DAXX: variants seen among roughly 807,000 people sequenced by gnomAD.
The protein encoded by DAXX is death domain associated protein.
A neutral mutation model predicts 61.9 loss-of-function variants in DAXX; 24 were observed. The ratio of observed to expected loss-of-function variants is 0.39; its 90% CI spans 0.28 to 0.55. The LOEUF (loss-of-function observed/expected upper bound fraction) is 0.55. Ranked by LOEUF, DAXX falls within the 20% of genes least tolerant of loss-of-function variation. The pLI is 0.69. For missense variants in DAXX, 819 were observed against 935.3 expected, an observed-to-expected ratio of 0.88 and a Z score of 1.62; for synonymous variants, 357 against 369.5, an observed-to-expected ratio of 0.97 and a Z score of 0.39.
chr6:33,321,623 G>A lies in DAXX; in HGVS notation c.208-56C>T. The A allele has an allele frequency of 6.3e-7, 1 of 1,596,842 alleles. No homozygotes were observed. The highest frequency in any genetic ancestry group is 8.6e-7 in the Non-Finnish European group (1 of 1,168,236). On this transcript the variant is annotated intron_variant, in intron 2 of 7. Transcript: ENST00000374542. This position sits in a 1 kb window ranked among gnomAD's most constrained non-coding sequence, Gnocchi z 7.2. The stretch of plus-strand genomic sequence containing the variant: ...AGAGAGACAAGGGAGGGGGTTGAGA[G>A]AAAGGGGAGGTGGGGTTAGTGGGAA...
At position 33,319,998 on chromosome 6, in the gene DAXX, T is replaced by C. The variant is rs780522375; in HGVS notation, c.1465+13A>G. 6.2e-7 allele frequency: 1 copy of C among 1,614,024 alleles called. No individual in the cohort carries two copies. Among genetic ancestry groups the C allele is most frequent in the Non-Finnish European group, 8.5e-7 (1 of 1,179,958 alleles). On this transcript the variant is annotated intron_variant, in intron 5 of 7. Coordinates refer to ENST00000374542, the MANE Select transcript of DAXX (RefSeq NM_001141969.2). ...CAGAAATGACAGGTGAGGAGAATGT[T>C]CCCTTGACATACCTGCTGCTGCTTC...
rs61737694 is a variant in DAXX, at chr6:33,320,508, C to T, written c.1123G>A (p.Val375Ile). The change falls in exon 4 of 8, where the codon GTC (valine) becomes ATC (isoleucine). Residue 375 changes from valine to isoleucine, a missense_variant. Coordinates refer to ENST00000374542, the MANE Select transcript of DAXX (RefSeq NM_001141969.2). This position sits in a 1 kb window ranked among gnomAD's most constrained non-coding sequence, Gnocchi z 7.1. ...TGCAACATTGCATATTTGGAGATGA[C>T]CTCATCCAGCCGACTCATGGCCAAA... is the stretch of plus-strand genomic sequence containing the variant. The part of the protein sequence containing the change: ...RSLAMSRLDE[V>I]ISKYAMLQDK... 8.5e-4 allele frequency: 1,376 copies of T among 1,613,812 alleles called. 11 individuals are homozygous for T. The African/African-American group carries it at 0.016, about 18-fold the overall frequency.
chr6:33,318,928 G>C, intron 7 of DAXX, 69 bp downstream of exon 7: 1 of 1,430,708 alleles, frequency 7.0e-7, no homozygotes, highest in Non-Finnish European at 9.8e-7. Flanking sequence ...GGAATATTCA[G>C]ACAGAGCAGC....
rs2150999516 is a variant in DAXX at position 33,321,774 on chromosome 6, C to T, written c.152G>A (p.Ser51Asn). The part of the protein sequence containing the change: ...SSEPHGARGS[S>N]SSGGKKCYKL... ...GTAGCATTTCTTGCCGCCCGAACTA[C>T]TGCTTCCTCTGGCCCCATGAGGCTC... The change falls in exon 2 of 8, where the codon AGT (serine) becomes AAT (asparagine). Residue 51 changes from serine (S) to asparagine (N), a missense_variant. Transcript: ENST00000374542. This position sits in a 1 kb window ranked among gnomAD's most constrained non-coding sequence, Gnocchi z 7.2. 6.2e-7 allele frequency: 1 copy of T among 1,613,360 alleles called. No individual in the cohort carries two copies. The highest frequency in any genetic ancestry group is 1.1e-5 in the South Asian group (1 of 91,076).
rs1770635990 is a variant in DAXX at position 33,321,668 on chromosome 6, G to C, written c.207+51C>G. The C allele has an allele frequency of 6.2e-7, 1 of 1,601,870 alleles. No individual in the cohort carries two copies. The highest frequency in any genetic ancestry group is 1.7e-5 in the Admixed American group (1 of 59,806). On this transcript the variant is annotated intron_variant, in intron 2 of 7. Coordinates refer to ENST00000374542, the MANE Select transcript of DAXX (RefSeq NM_001141969.2). The surrounding 1 kb of genome is among the most constrained non-coding windows in gnomAD (Gnocchi z 7.2). The stretch of plus-strand genomic sequence containing the variant: ...TGGGAAAGAAAGGACAGGAGAACCA[G>C]TCAGCCATCCCCCTCCCTGGGGTAC...
chr6:33,320,613 C>A lies in DAXX; in HGVS notation c.1040-22G>T, dbSNP rs368843952. On this transcript the variant is annotated intron_variant, in intron 3 of 7. Transcript: ENST00000374542. This position sits in a 1 kb window ranked among gnomAD's most constrained non-coding sequence, Gnocchi z 7.1. ...ACGCCTACGTGGGAAGACATAAAGT[C>A]AGAGCACTCAGCCCTTGAAGGGACT... is the stretch of plus-strand genomic sequence containing the variant. 4 of 1,610,904 alleles carry A rather than the reference C, an allele frequency of 2.5e-6. No individual in the cohort carries two copies. The highest frequency in any genetic ancestry group is 3.4e-6 in the Non-Finnish European group (4 of 1,178,358).
rs1238796624 is a variant in DAXX, at chr6:33,318,779, A to G, written c.2187T>C (p.Asp729=). ...CTGAGAGCACGATGATCTCTTCTGG[A>G]TCGCATTGTGTGGCCACACTTGTCT... The part of the protein sequence containing the change: ...TCKTSVATQC[D]PEEIIVLSDS... Residue 729 remains aspartate, a synonymous_variant, in exon 8 of 8, where the codon GAT becomes GAC. Coordinates refer to ENST00000374542, the MANE Select transcript of DAXX (RefSeq NM_001141969.2). 4.5e-6 allele frequency: 7 copies of G among 1,564,020 alleles called. No homozygotes were observed. The highest frequency in any genetic ancestry group is 6.1e-6 in the Non-Finnish European group (7 of 1,146,184).
chr6:33,320,923 A>G lies in DAXX; in HGVS notation c.852T>C (p.Pro284=). 3 of 1,614,148 alleles carry G rather than the reference A, an allele frequency of 1.9e-6. No individual in the cohort carries two copies. The highest frequency in any genetic ancestry group is 2.5e-6 in the Non-Finnish European group (3 of 1,180,010). The part of the protein sequence containing the change: ...LINKPGPDTF[P]DYGDVLRAVE... Reference sequence around the variant, plus strand: ...CAGCCCGAAGCACATCCCCATAGTCAGGGAAGGTATCAGGCCCTGGCTTGT... The same window carrying G: ...CAGCCCGAAGCACATCCCCATAGTCGGGGAAGGTATCAGGCCCTGGCTTGT... The change falls in exon 3 of 8, where the codon CCT becomes CCC. Residue 284 remains proline, a synonymous_variant. Coordinates refer to ENST00000374542, the MANE Select transcript of DAXX (RefSeq NM_001141969.2). This position sits in a 1 kb window ranked among gnomAD's most constrained non-coding sequence, Gnocchi z 7.1.
chr6:33,321,892 C>G lies in DAXX; in HGVS notation c.34G>C (p.Asp12His). Reference sequence around the variant, plus strand: ...GCAGCTGCTTCATCTTCGTCATCATCATCCAGCACGATGATGCTGTTAGCG... The same window carrying G: ...GCAGCTGCTTCATCTTCGTCATCATGATCCAGCACGATGATGCTGTTAGCG... ...ATANSIIVLDDDDEDEAAAQP... is the reference protein window; with the variant it reads ...ATANSIIVLDHDDEDEAAAQP... The change falls in exon 2 of 8, where the codon GAT (aspartate) becomes CAT (histidine). Residue 12 changes from aspartate to histidine, a missense_variant. Coordinates refer to ENST00000374542, the MANE Select transcript of DAXX (RefSeq NM_001141969.2). This position sits in a 1 kb window ranked among gnomAD's most constrained non-coding sequence, Gnocchi z 7.2. 2 of 1,611,184 alleles carry G rather than the reference C, an allele frequency of 1.2e-6. No individual in the cohort carries two copies. The highest frequency in any genetic ancestry group is 1.7e-6 in the Non-Finnish European group (2 of 1,178,392).
At chr6:33,319,274 G>T (rs1314649082) in intron 6 of DAXX, 55 bp from the exon 7 acceptor site, 1 of 1,563,248 alleles carries the variant, frequency 6.4e-7, no homozygotes, top group East Asian at 2.3e-5. Context: ...AGGCTGGAGG[G>T]GGGCAGTCCA....
Position 33,321,290 on chromosome 6 carries a change from G to A in DAXX, c.485C>T (p.Thr162Ile), listed in dbSNP as rs553915233. Reference protein sequence around the residue: ...SNEPSGNNPPTHLSLDPTNAE... With the variant: ...SNEPSGNNPPIHLSLDPTNAE... ...ATTTGTGGGGTCCAAGGAGAGGTGT[G>A]TGGGAGGGTTATTCCCAGAGGGCTC... is the stretch of plus-strand genomic sequence containing the variant. Residue 162 changes from threonine (T) to isoleucine (I), a missense_variant, in exon 3 of 8, where the codon ACA becomes ATA. By Grantham distance (89) the Thr-to-Ile change is moderately conservative. Coordinates refer to ENST00000374542, the MANE Select transcript of DAXX (RefSeq NM_001141969.2). This position sits in a 1 kb window ranked among gnomAD's most constrained non-coding sequence, Gnocchi z 7.2. The A allele has an allele frequency of 2.6e-5, 42 of 1,612,848 alleles. No homozygotes were observed. The Admixed American group carries it at 3.3e-4, about 13-fold the overall frequency.
At position 33,320,730 on chromosome 6, in the gene DAXX, C is replaced by A. The variant is rs1398597019; in HGVS notation, c.1039+6G>T. ...GTCACTGAGAGGCATCCCACCAACCCCCTACCTGGCCTATAGTCATCTGTG... is the reference window on the plus strand; with the variant it reads ...GTCACTGAGAGGCATCCCACCAACCACCTACCTGGCCTATAGTCATCTGTG... On this transcript the variant is annotated splice_donor_region_variant and intron_variant, in intron 3 of 7. Coordinates refer to ENST00000374542, the MANE Select transcript of DAXX (RefSeq NM_001141969.2). The surrounding 1 kb of genome is among the most constrained non-coding windows in gnomAD (Gnocchi z 7.1). 4 of 1,612,570 alleles carry A rather than the reference C, an allele frequency of 2.5e-6. No individual in the cohort carries two copies. In the African/African-American group the frequency reaches 5.3e-5, roughly 22 times the overall value.
rs1044471240 is a variant in DAXX at position 33,320,340 on chromosome 6, G to A, written c.1251+40C>T. ...GGACTCCCTGGTGGCCAGTGCAGGG[G>A]AAGGACAATGTCTCTCTGAAGGCTG... On this transcript the variant is annotated intron_variant, in intron 4 of 7. Coordinates refer to ENST00000374542, the MANE Select transcript of DAXX (RefSeq NM_001141969.2). This position sits in a 1 kb window ranked among gnomAD's most constrained non-coding sequence, Gnocchi z 7.1. 5.3e-6 allele frequency: 8 copies of A among 1,496,320 alleles called. No homozygotes were observed. In the Admixed American group the frequency reaches 1.0e-4, roughly 19 times the overall value. 92.7% of individuals were successfully genotyped at this position (1,496,320 alleles called of 1,614,324 possible). A position where few individuals can be genotyped will look rare whatever the true frequency, so the allele number is the denominator to read the frequency against.
rs775787032 is a variant in DAXX, at chr6:33,319,053, G to A, written c.2107C>T (p.Pro703Ser). ...TGGGGGGTTTGGGACAGCCGGGCTG[G>A]AGAAGGGATGCAGAGGGAGCTGGTC... ...LVTSSLCIPS[P>S]ARLSQTPHSQ... is the part of the protein sequence containing the mutation. Residue 703 changes from proline to serine, a missense_variant, in exon 7 of 8, where the codon CCA becomes TCA. Pro to Ser is a moderately conservative substitution (Grantham distance 74, BLOSUM62 -1). Coordinates refer to ENST00000374542, the MANE Select transcript of DAXX (RefSeq NM_001141969.2). 3 of 1,614,018 alleles carry A rather than the reference G, an allele frequency of 1.9e-6. No homozygotes were observed. In the East Asian group the frequency reaches 6.7e-5, roughly 36 times the overall value.
At position 33,321,792 on chromosome 6, in the gene DAXX, T is replaced by C. The variant is rs774748603; in HGVS notation, c.134A>G (p.His45Arg). 1 of 1,611,466 alleles carries C rather than the reference T, an allele frequency of 6.2e-7. No individual in the cohort carries two copies. ...GAEAPSSSEPHGARGSSSSGG... is the reference protein window; with the variant it reads ...GAEAPSSSEPRGARGSSSSGG... Reference sequence around the variant, plus strand: ...CGAACTACTGCTTCCTCTGGCCCCATGAGGCTCAGAGGAGCTAGGGGCTTC... The same window carrying C: ...CGAACTACTGCTTCCTCTGGCCCCACGAGGCTCAGAGGAGCTAGGGGCTTC... Residue 45 changes from histidine to arginine, a missense_variant, in exon 2 of 8, where the codon CAT (histidine) becomes CGT (arginine). Coordinates refer to ENST00000374542, the MANE Select transcript of DAXX (RefSeq NM_001141969.2). This position sits in a 1 kb window ranked among gnomAD's most constrained non-coding sequence, Gnocchi z 7.2.
chr6:33,318,966 T>G lies in DAXX; in HGVS notation c.2163+31A>C, dbSNP rs774440530. 5 of 1,574,894 alleles carry G rather than the reference T, an allele frequency of 3.2e-6. No individual in the cohort carries two copies. In the Admixed American group the frequency reaches 8.4e-5, roughly 26 times the overall value. On this transcript the variant is annotated intron_variant, in intron 7 of 7. Coordinates refer to ENST00000374542, the MANE Select transcript of DAXX (RefSeq NM_001141969.2). ...AAACAGCCAATGAAAGAGAACAAAT[T>G]GTCAGAGGAAACACGCCCTCCCCTT...
rs748790861 is a variant in DAXX, at chr6:33,319,735, A to G, written c.1585T>C (p.Ser529Pro). 3.7e-6 allele frequency: 6 copies of G among 1,614,176 alleles called. No individual in the cohort carries two copies. The highest frequency in any genetic ancestry group is 5.1e-6 in the Non-Finnish European group (6 of 1,180,024). The change falls in exon 6 of 8, where the codon TCA becomes CCA. Residue 529 changes from serine to proline, a missense_variant. Coordinates refer to ENST00000374542, the MANE Select transcript of DAXX (RefSeq NM_001141969.2). Reference sequence around the variant, plus strand: ...GGTTCTTCTGACAGTAACGATGGTGACACTATGCGTCCTTTGTTTTGCTGC... The same window carrying G: ...GGTTCTTCTGACAGTAACGATGGTGGCACTATGCGTCCTTTGTTTTGCTGC... ...GEQQNKGRIV[S>P]PSLLSEEPLA...
Position 33,320,963 on chromosome 6 carries a change from A to G in DAXX, c.812T>C (p.Ile271Thr), listed in dbSNP as rs1411245984. ...GTRYPEVNRR[I>T]ERLINKPGPD... Reference sequence around the variant, plus strand: ...CCCTGGCTTGTTGATGAGCCGCTCAATGCGCCTGTTAACCTCTGGGTAGCG... The same window carrying G: ...CCCTGGCTTGTTGATGAGCCGCTCAGTGCGCCTGTTAACCTCTGGGTAGCG... The change falls in exon 3 of 8, where the codon ATT (isoleucine) becomes ACT (threonine). Residue 271 changes from isoleucine (I) to threonine (T), a missense_variant. Transcript: ENST00000374542. This position sits in a 1 kb window ranked among gnomAD's most constrained non-coding sequence, Gnocchi z 7.1. The G allele has an allele frequency of 6.2e-7, 1 of 1,614,018 alleles. No individual in the cohort carries two copies. Among genetic ancestry groups the G allele is most frequent in the Non-Finnish European group, 8.5e-7 (1 of 1,179,886 alleles).
rs2150994625 is a variant in DAXX, at chr6:33,320,904, G to C, written c.871C>G (p.Arg291Gly). ...CGGGCAGCTGCCTTCTCTACAGCCCGAAGCACATCCCCATAGTCAGGGAAG... is the reference window on the plus strand; with the variant it reads ...CGGGCAGCTGCCTTCTCTACAGCCCCAAGCACATCCCCATAGTCAGGGAAG... ...DTFPDYGDVL[R>G]AVEKAAARHS... Residue 291 changes from arginine (R) to glycine (G), a missense_variant, in exon 3 of 8, where the codon CGG (arginine) becomes GGG (glycine). By Grantham distance (125) the Arg-to-Gly change is moderately radical. Transcript: ENST00000374542. The surrounding 1 kb of genome is among the most constrained non-coding windows in gnomAD (Gnocchi z 7.1). 3 of 1,614,150 alleles carry C rather than the reference G, an allele frequency of 1.9e-6. No homozygotes were observed. Among genetic ancestry groups the C allele is most frequent in the Non-Finnish European group, 2.5e-6 (3 of 1,180,024 alleles).
Sources: gnomAD v4.1 joint callset for allele counts on GRCh38, gnomAD v4.1.1 for gene constraint, Gnocchi (gnomAD v3.1) non-coding constraint, MANE v1.5 for transcripts, NCBI Gene and HGNC (gene_info 2026-07-23, HGNC 2026-07-21) for gene names.